JADE1: variants seen among roughly 807,000 people sequenced by gnomAD.
JADE1 encodes the protein protein Jade-1.
Under a neutral mutation model 81.8 loss-of-function variants are expected in JADE1, and 14 were observed. The observed-to-expected ratio is 0.17, with a 90% CI of 0.11 to 0.27. The LOEUF (loss-of-function observed/expected upper bound fraction) is 0.27, where lower values mean the gene tolerates loss of function less well. Ranked by LOEUF, JADE1 falls within the 10% of genes least tolerant of loss-of-function variation. The probability of loss-of-function intolerance (pLI) is 1.00; values close to 1 mark genes in which losing one functional copy is unlikely to be tolerated. For synonymous variants in JADE1, 353 were observed against 391.9 expected (o/e 0.90, Z 1.17); for missense variants, 690 against 1,047.9 (o/e 0.66, Z 4.71).
intron 8 of JADE1, 147 bp from the exon 9 acceptor site, chr4:128,861,557 A>C (rs1731329135): frequency 1.1e-6 from 1 of 912,720 alleles, no homozygotes. Context: ...TGCAGGGTTA[A>C]TCCACGTACA....
At chr4:128,843,776 T>G (rs17013784) in intron 3 of JADE1, among the ~76,000 whole-genome samples, 1 of 152,202 alleles carries the variant, frequency 6.6e-6, no homozygotes, top group African/African-American at 2.4e-5. Flanking sequence ...CTGCTTCTTA[T>G]GGGATGAGTT....
At chr4:128,859,192 G>A (rs1046787472) in intron 8 of JADE1, among the ~76,000 whole-genome samples, 1 of 151,690 alleles carries the variant, frequency 6.6e-6, no homozygotes, top group Non-Finnish European at 1.5e-5. Flanking sequence ...GTATGCATGT[G>A]TGAGTGTGTG....
chr4:128,810,954 T>TG (rs989203818), intron 1 of JADE1, among the ~76,000 whole-genome samples: 48 of 152,054 alleles, frequency 3.2e-4, no homozygotes, highest in African/African-American at 1.1e-3. Flanking sequence ...CTGCAAATTG[T>TG]GGGGGTGGGG....
chr4:128,831,924 A>G (rs953701783), intron 2 of JADE1, 114 bp downstream of exon 2: 3 of 935,398 alleles, frequency 3.2e-6, no homozygotes, highest in East Asian at 4.8e-5. Context: ...CAGGCAGGTC[A>G]GAGAAAGCCA....
At chr4:128,866,510 T>A (rs1462629731) in intron 9 of JADE1, among the ~76,000 whole-genome samples, 8 of 151,776 alleles carry the variant, frequency 5.3e-5, no homozygotes, top group Admixed American at 5.2e-4. Flanking sequence ...ATTATTAGGG[T>A]TTAGTCTACA....
intron 6 of JADE1, among the ~76,000 whole-genome samples, chr4:128,853,771 T>A (rs1730565845): frequency 6.6e-6 from 1 of 152,234 alleles, no homozygotes; most frequent in Non-Finnish European, 1.5e-5. Flanking sequence ...GTTTGCTCCA[T>A]GAAGTTCTTG....
intron 8 of JADE1, among the ~76,000 whole-genome samples, chr4:128,859,332 T>C (rs891028905): frequency 2.0e-5 from 3 of 151,870 alleles, no homozygotes; most frequent in African/African-American, 7.3e-5. Context: ...ATATGTATGC[T>C]GTATGCATGT....
chr4:128,851,131 G>A (rs12512715), intron 5 of JADE1, among the ~76,000 whole-genome samples: 116,416 of 152,114 alleles, frequency 0.77, 45,819 homozygotes, highest in South Asian at 0.91. Flanking sequence ...GGATTTCGCC[G>A]TATTGGCCAG....
At chr4:128,814,312 A>G (rs2125784909) in intron 1 of JADE1, among the ~76,000 whole-genome samples, 1 of 152,306 alleles carries the variant, frequency 6.6e-6, no homozygotes, top group Admixed American at 6.5e-5. Flanking sequence ...GTAAAAGCAG[A>G]TTTCCATTGC....
In JADE1 at chr4:128,846,049, G is replaced by A. The variant is rs1729849669; in HGVS notation, c.139-326G>A. Reference sequence around the variant, plus strand: ...AGTATCTCCCTTCAGAGATTTCCAGGTACATGTTTTCAGCAGCCCTTTTGG... The same window carrying A: ...AGTATCTCCCTTCAGAGATTTCCAGATACATGTTTTCAGCAGCCCTTTTGG... On this transcript the variant is annotated intron_variant, in intron 3 of 10. Transcript: ENST00000226319. This position sits in a 1 kb window ranked among gnomAD's most constrained non-coding sequence, Gnocchi z 4.0. Among the ~76,000 whole-genome samples, 1 of 152,074 alleles carries A rather than the reference G, an allele frequency of 6.6e-6. No individual in the cohort carries two copies. The highest frequency in any genetic ancestry group is 2.1e-4 in the South Asian group (1 of 4,824).
intron 1 of JADE1, among the ~76,000 whole-genome samples, chr4:128,830,793 G>A (rs1211366985): frequency 2.6e-5 from 4 of 152,114 alleles, no homozygotes; most frequent in South Asian, 2.1e-4. Flanking sequence ...GAATATAACC[G>A]CGAGACCATC....
intron 9 of JADE1, chr4:128,864,679 C>G: frequency 1.2e-6 from 1 of 812,318 alleles, no homozygotes; most frequent in Non-Finnish European, 1.5e-6. Flanking sequence ...CACACAATAT[C>G]AGTTTATAGC....
chr4:128,833,471 G>A (rs561377450), intron 2 of JADE1, among the ~76,000 whole-genome samples: 42 of 152,248 alleles, frequency 2.8e-4, no homozygotes, highest in Middle Eastern at 3.4e-3. Flanking sequence ...TTGGGAGGCC[G>A]AGGTGGGTGG....
chr4:128,815,158 C>CCTGTAAGCTCCGCCTCT (rs1726903244), intron 1 of JADE1, among the ~76,000 whole-genome samples: 2 of 148,196 alleles, frequency 1.3e-5, no homozygotes, highest in Admixed American at 1.3e-4. Context: ...GCTCCGCCTC[C>CCTGTAAGCTCCGCCTCT]CTGTAAGCTC....
intron 1 of JADE1, among the ~76,000 whole-genome samples, chr4:128,813,942 C>T (rs1001940837): frequency 2.6e-5 from 4 of 151,790 alleles, no homozygotes. Flanking sequence ...AGAACTTGAA[C>T]TTGATTCCAC....
intron 1 of JADE1, among the ~76,000 whole-genome samples, chr4:128,823,704 A>G (rs934503395): frequency 1.8e-4 from 27 of 152,224 alleles, no homozygotes; most frequent in Admixed American, 7.2e-4. Flanking sequence ...GAGTTAAGCT[A>G]TTTGTCAGTT....
chr4:128,831,923 C>T, intron 2 of JADE1, 113 bp downstream of exon 2: 1 of 930,740 alleles, frequency 1.1e-6, no homozygotes. Flanking sequence ...TCAGGCAGGT[C>T]AGAGAAAGCC....
chr4:128,833,191 A>G (rs1048454661), intron 2 of JADE1, among the ~76,000 whole-genome samples: 1 of 152,056 alleles, frequency 6.6e-6, no homozygotes, highest in Non-Finnish European at 1.5e-5. Context: ...AGCCTTTGGG[A>G]TGCCACCTTC....
intron 7 of JADE1, among the ~76,000 whole-genome samples, chr4:128,856,556 G>A (rs1429929620): frequency 6.6e-6 from 1 of 152,178 alleles, no homozygotes; most frequent in Non-Finnish European, 1.5e-5. Context: ...GCATACTTTG[G>A]TGATTTTTAT....
Sources: allele counts gnomAD v4.1 joint callset (sites outside exome capture counted in the v4.1 genomes callset), GRCh38; gene constraint gnomAD v4.1.1; non-coding constraint Gnocchi (gnomAD v3.1); transcripts MANE v1.5; gene names NCBI Gene and HGNC (gene_info 2026-07-23, HGNC 2026-07-21).